FLT1: variants seen among roughly 807,000 people sequenced by gnomAD.
The protein encoded by FLT1 is fms related receptor tyrosine kinase 1, also known as vascular endothelial growth factor receptor 1.
A neutral mutation model predicts 156.3 loss-of-function variants in FLT1; 49 were observed. That is an observed-to-expected ratio of 0.31 (90% CI 0.25 to 0.40). The LOEUF is 0.40. Ranked by LOEUF, FLT1 falls within the 10% of genes least tolerant of loss-of-function variation. The pLI is 1.00. For missense variants in FLT1, 1,322 were observed against 1,637.2 expected, an observed-to-expected ratio of 0.81 and a Z score of 3.32; for synonymous variants, 594 against 583.8, an observed-to-expected ratio of 1.02 and a Z score of -0.25.
At chr13:28,325,866 A>T (rs1871659533) in intron 20 of FLT1, among the ~76,000 whole-genome samples, 3 of 149,732 alleles carry the variant, frequency 2.0e-5, no homozygotes, top group Middle Eastern at 3.6e-3. Flanking sequence ...GACCTGACTT[A>T]AACCTGGGGA....
intron 14 of FLT1, among the ~76,000 whole-genome samples, chr13:28,360,050 G>T (rs1282131923): frequency 2.7e-5 from 2 of 74,422 alleles, no homozygotes; most frequent in African/African-American, 7.1e-5. Context: ...GGCAGAGGTT[G>T]CAGTGAGCGA....
chr13:28,486,414 C>T (rs1223915265), intron 1 of FLT1, among the ~76,000 whole-genome samples: 3 of 152,248 alleles, frequency 2.0e-5, no homozygotes, highest in Non-Finnish European at 4.4e-5. Flanking sequence ...CTGATCCCAG[C>T]ACCGGAAATG....
intron 1 of FLT1, among the ~76,000 whole-genome samples, chr13:28,474,582 T>C (rs964787849): frequency 6.6e-6 from 1 of 151,324 alleles, no homozygotes; most frequent in Admixed American, 6.6e-5. Context: ...CCACATATTG[T>C]ATGATTCCAT....
At chr13:28,386,471 G>C (rs942489324) in intron 13 of FLT1, 1 of 1,046,204 alleles carries the variant, frequency 9.6e-7, no homozygotes, top group African/African-American at 1.7e-5. Flanking sequence ...AGGCAAAAAA[G>C]TGTGCTGAAG....
intron 6 of FLT1, among the ~76,000 whole-genome samples, chr13:28,433,277 G>A (rs1877808156): frequency 1.3e-5 from 2 of 152,144 alleles, no homozygotes; most frequent in African/African-American, 4.8e-5. Flanking sequence ...CCCAACGCAG[G>A]CTTCATTCTT....
chr13:28,313,098 CCTCCTGAGTAGCTGGGATCA>C (rs1871071480), intron 25 of FLT1, among the ~76,000 whole-genome samples: 1 of 152,082 alleles, frequency 6.6e-6, no homozygotes, highest in Non-Finnish European at 1.5e-5. Context: ...CCTGCCTTAG[CCTCCTGAGTAGCTGGGATCA>C]CAGGCACCCA....
intron 20 of FLT1, 109 bp from the exon 21 acceptor site, chr13:28,323,055 C>T (rs1055421221): frequency 6.6e-6 from 8 of 1,204,234 alleles, no homozygotes; most frequent in Non-Finnish European, 9.8e-6. Flanking sequence ...CGTTTCACTT[C>T]TCAAAATGGA....
intron 20 of FLT1, among the ~76,000 whole-genome samples, chr13:28,324,802 T>C (rs1871607721): frequency 6.6e-6 from 1 of 152,162 alleles, no homozygotes; most frequent in African/African-American, 2.4e-5. Context: ...CACCCAAAAG[T>C]CACAGCCTAG....
chr13:28,435,300 T>G (rs1302423433), intron 4 of FLT1, among the ~76,000 whole-genome samples: 2 of 152,208 alleles, frequency 1.3e-5, no homozygotes, highest in Non-Finnish European at 2.9e-5. Flanking sequence ...ACTTTCTCCT[T>G]ATGCCTTCTT....
rs760581592 is a variant in FLT1 at position 28,473,645 on chromosome 13, A to AAAAG, written c.65-6032_65-6029dup. Among the ~76,000 whole-genome samples the AAAAG allele has an allele frequency of 5.4e-3, 429 of 79,644 alleles. 9 individuals are homozygous for AAAAG. Among genetic ancestry groups the AAAAG allele is most frequent in the East Asian group, 0.02 (72 of 3,604 alleles). 52.2% of individuals were successfully genotyped at this position (79,644 alleles called of 152,430 possible). On this transcript the variant is annotated intron_variant, in intron 1 of 29. Coordinates refer to ENST00000282397, the MANE Select transcript of FLT1 (RefSeq NM_002019.4). The stretch of plus-strand genomic sequence containing the variant: ...GGGTGACAGAGCAAGACTATATCTC[A>AAAAG]AAAGAAAGAAAGAAAGAAAGAAAGA...
chr13:28,377,654 G>A (rs1426865036), intron 14 of FLT1, among the ~76,000 whole-genome samples: 1 of 152,222 alleles, frequency 6.6e-6, no homozygotes, highest in Non-Finnish European at 1.5e-5. Context: ...ACACAAAGCA[G>A]TGACTTATAA....
chr13:28,483,247 C>T (rs78386718), intron 1 of FLT1, among the ~76,000 whole-genome samples: 1,662 of 152,264 alleles, frequency 0.011, 17 homozygotes, highest in Non-Finnish European at 0.018. Flanking sequence ...TTTACACTGC[C>T]TTTTAAAACT....
chr13:28,395,627 G>A (rs1875000809), intron 12 of FLT1, among the ~76,000 whole-genome samples: 2 of 152,138 alleles, frequency 1.3e-5, no homozygotes, highest in African/African-American at 4.8e-5. Context: ...AGTTTTAAAT[G>A]GTATTTGTGG....
At chr13:28,409,141 A>C (rs1875987723) in intron 10 of FLT1, among the ~76,000 whole-genome samples, 1 of 152,166 alleles carries the variant, frequency 6.6e-6, no homozygotes, top group Admixed American at 6.5e-5. Context: ...CTCTTGACAC[A>C]TTATGGGAAA....
intron 27 of FLT1, among the ~76,000 whole-genome samples, chr13:28,309,273 G>T (rs1157504279): frequency 1.3e-5 from 2 of 152,218 alleles, no homozygotes; most frequent in Non-Finnish European, 2.9e-5. Flanking sequence ...CAGGGAAGTG[G>T]TATGACTTTA....
intron 16 of FLT1, among the ~76,000 whole-genome samples, chr13:28,339,727 C>T (rs151067618): frequency 3.9e-5 from 6 of 152,266 alleles, no homozygotes; most frequent in East Asian, 1.9e-4. Context: ...AACAGTGGGG[C>T]GCACTGTGGC....
chr13:28,423,749 A>G (rs11620315), intron 10 of FLT1, among the ~76,000 whole-genome samples: 9,052 of 152,268 alleles, frequency 0.059, 549 homozygotes, highest in Admixed American at 0.19. Context: ...AAGGCACTAT[A>G]TGCTTAACAT....
intron 1 of FLT1, among the ~76,000 whole-genome samples, chr13:28,485,994 T>C (rs183351675): frequency 1.1e-3 from 165 of 152,306 alleles, no homozygotes; most frequent in African/African-American, 3.9e-3. Flanking sequence ...TAATGCATTG[T>C]TGTGTTGGGT....
chr13:28,396,721 C>A (rs1875070452), intron 12 of FLT1: 4 of 623,350 alleles, frequency 6.4e-6, no homozygotes, highest in Non-Finnish European at 1.2e-5. Flanking sequence ...AATTCATAAT[C>A]CAGTCTGGGA....
Sources: gnomAD v4.1 joint callset for allele counts (sites outside exome capture counted in the v4.1 genomes callset) on GRCh38, gnomAD v4.1.1 for gene constraint, MANE v1.5 for transcripts, NCBI Gene and HGNC (gene_info 2026-07-23, HGNC 2026-07-21) for gene names.